Variants in CRADD observed in about 807,000 individuals in gnomAD.
CRADD encodes CARD and death domain containing adaptor protein.
A neutral mutation model predicts 15.5 loss-of-function variants in CRADD; 9 were observed. The observed-to-expected ratio is 0.58, with a 90% CI of 0.35 to 1.01. CRADD has a LOEUF of 1.01. CRADD is among the 50% of genes least tolerant of loss of function. The pLI is 0.02. For missense variants in CRADD, 227 were observed against 250.3 expected (o/e 0.91, Z 0.63); for synonymous variants, 118 against 107.6 (o/e 1.10, Z -0.60).
chr12:93,826,063 T>C (rs1294214098), intron 2 of CRADD, among the ~76,000 whole-genome samples: 3 of 152,250 alleles, frequency 2.0e-5, no homozygotes, highest in African/African-American at 7.2e-5. Flanking sequence ...CCGGAACTTA[T>C]TAACATGCTT....
intron 2 of CRADD, among the ~76,000 whole-genome samples, chr12:93,883,762 G>A (rs1958518051): frequency 6.6e-6 from 1 of 152,212 alleles, no homozygotes; most frequent in Admixed American, 6.5e-5. Context: ...AAGCCCAGAA[G>A]TCCTAGGCTG....
intron 2 of CRADD, among the ~76,000 whole-genome samples, chr12:93,868,671 C>T (rs1212491222): frequency 6.6e-6 from 1 of 150,868 alleles, no homozygotes. Context: ...TTCTCTCTCT[C>T]CCTCTCTCTC....
At chr12:93,706,467 C>A (rs943791104) in intron 2 of CRADD, among the ~76,000 whole-genome samples, 2 of 152,254 alleles carry the variant, frequency 1.3e-5, no homozygotes, top group African/African-American at 4.8e-5. Context: ...TACTCTTCTC[C>A]CTGGGTCCAC....
intron 2 of CRADD, among the ~76,000 whole-genome samples, chr12:93,838,526 C>T (rs750928997): frequency 1.3e-5 from 2 of 150,556 alleles, no homozygotes; most frequent in Admixed American, 6.6e-5. Flanking sequence ...TCCCTCCCTC[C>T]TTCCTTCCCT....
intron 2 of CRADD, among the ~76,000 whole-genome samples, chr12:93,846,776 C>T (rs987905978): frequency 1.3e-5 from 2 of 152,102 alleles, no homozygotes; most frequent in African/African-American, 4.8e-5. Flanking sequence ...AAGATTTTCC[C>T]AAAAGGAAGA....
In CRADD at chr12:93,679,134, TTTTG is replaced by T. The variant is rs1226442180; in HGVS notation, c.298+66_298+69del. ...AATGTTGTAACTATGCTCTTTGCTT[TTTTG>T]TTTATTTGTTTGTTTGTTTTTGAGA... On this transcript the variant is annotated intron_variant, in intron 2 of 2. Transcript: ENST00000332896. 6.2e-5 allele frequency: 83 copies of T among 1,339,612 alleles called. 1 individual carries two copies. The East Asian group carries it at 1.9e-3, about 30-fold the overall frequency. The allele number at this position is 1,339,612 out of a possible 1,614,324, so 83.0% of individuals were successfully genotyped here.
At chr12:93,825,731 C>T (rs906130090) in intron 2 of CRADD, among the ~76,000 whole-genome samples, 36 of 152,310 alleles carry the variant, frequency 2.4e-4, no homozygotes, top group African/African-American at 8.2e-4. Flanking sequence ...TTTGCTTAAC[C>T]TCTTTCCGGC....
chr12:93,838,566 T>C lies in CRADD; in HGVS notation c.299-11404T>C, dbSNP rs575831835. On this transcript the variant is annotated intron_variant, in intron 2 of 2. Coordinates refer to ENST00000332896, the MANE Select transcript of CRADD (RefSeq NM_003805.5). Reference sequence around the variant, plus strand: ...CCCTTGCTTCTCTCTTTCTCTCTCTTTTTTTTTTTTTTCCTTTGCGCTCAT... The same window carrying C: ...CCCTTGCTTCTCTCTTTCTCTCTCTCTTTTTTTTTTTTCCTTTGCGCTCAT... Among the ~76,000 whole-genome samples, 492 of 135,498 alleles carry C rather than the reference T, an allele frequency of 3.6e-3. 1 individual carries two copies. The highest frequency in any genetic ancestry group is 5.5e-3 in the Non-Finnish European group (362 of 65,832). 88.9% of individuals were successfully genotyped at this position (135,498 alleles called of 152,430 possible).
chr12:93,789,859 G>GA (rs773591522), intron 2 of CRADD, among the ~76,000 whole-genome samples: 1 of 152,152 alleles, frequency 6.6e-6, no homozygotes, highest in Non-Finnish European at 1.5e-5. Flanking sequence ...TTCTAGAAAG[G>GA]AAAATCAAAC....
chr12:93,839,745 T>C (rs1958026014), intron 2 of CRADD, among the ~76,000 whole-genome samples: 1 of 152,256 alleles, frequency 6.6e-6, no homozygotes, highest in Non-Finnish European at 1.5e-5. Flanking sequence ...TTCATACCTT[T>C]GTTCTGTTTC....
chr12:93,821,743 G>A (rs1475971946), intron 2 of CRADD, among the ~76,000 whole-genome samples: 1 of 152,154 alleles, frequency 6.6e-6, no homozygotes, highest in East Asian at 1.9e-4. Flanking sequence ...TTTTGAGAGG[G>A]GCACAGCCTC....
intron 2 of CRADD, among the ~76,000 whole-genome samples, chr12:93,688,708 A>T (rs553422604): frequency 1.3e-5 from 2 of 152,354 alleles, no homozygotes; most frequent in South Asian, 4.1e-4. Context: ...GTAAGCACAG[A>T]GATAGATGTT....
intron 2 of CRADD, among the ~76,000 whole-genome samples, chr12:93,682,201 T>A (rs901246087): frequency 5.9e-5 from 9 of 152,198 alleles, no homozygotes; most frequent in African/African-American, 2.2e-4. Flanking sequence ...AAGACCTCGG[T>A]GCTTCTCCAG....
intron 2 of CRADD, among the ~76,000 whole-genome samples, chr12:93,880,034 G>T (rs1400825448): frequency 6.6e-6 from 1 of 152,216 alleles, no homozygotes; most frequent in Non-Finnish European, 1.5e-5. Context: ...ACTTGTCCCA[G>T]TGAAGTTTAC....
chr12:93,695,643 G>A (rs755487782), intron 2 of CRADD, among the ~76,000 whole-genome samples: 5 of 152,192 alleles, frequency 3.3e-5, no homozygotes, highest in South Asian at 2.1e-4. Flanking sequence ...TGGTTCATGC[G>A]TGTAATCCCA....
chr12:93,736,439 A>C (rs367809862), intron 2 of CRADD, among the ~76,000 whole-genome samples: 12 of 152,216 alleles, frequency 7.9e-5, no homozygotes, highest in African/African-American at 2.4e-4. Context: ...ATCTCTACTT[A>C]AAAACGTCAA....
intron 2 of CRADD, among the ~76,000 whole-genome samples, chr12:93,872,460 T>C (rs1370504113): frequency 6.6e-6 from 1 of 152,210 alleles, no homozygotes. Flanking sequence ...TGTGGGGTAT[T>C]GCTCAATAAA....
At chr12:93,755,082 G>C (rs1054959554) in intron 2 of CRADD, among the ~76,000 whole-genome samples, 7 of 152,124 alleles carry the variant, frequency 4.6e-5, no homozygotes, top group African/African-American at 1.7e-4. Flanking sequence ...AGGCAAGAGA[G>C]CATGTGAAGG....
chr12:93,683,642 G>A (rs1210287239), intron 2 of CRADD, among the ~76,000 whole-genome samples: 2 of 152,204 alleles, frequency 1.3e-5, no homozygotes, highest in African/African-American at 2.4e-5. Context: ...TGGGCTCAAG[G>A]GCTCTGCCTG....
Sources: gnomAD v4.1 joint callset for allele counts (sites outside exome capture counted in the v4.1 genomes callset) on GRCh38, gnomAD v4.1.1 for gene constraint, MANE v1.5 for transcripts, NCBI Gene and HGNC (gene_info 2026-07-23, HGNC 2026-07-21) for gene names.